SGCZ: variants seen among roughly 807,000 people sequenced by gnomAD.
The protein encoded by SGCZ is sarcoglycan zeta.
In SGCZ, 40 loss-of-function variants were observed where a neutral mutation model predicts 41.3. The observed-to-expected ratio is 0.97, with a 90% CI of 0.75 to 1.26. SGCZ has a LOEUF of 1.26. Among genes scored for constraint, SGCZ ranks in the 50% most tolerant of loss-of-function variants. The probability of loss-of-function intolerance (pLI) is 0.00; values close to 1 mark genes in which losing one functional copy is unlikely to be tolerated. For missense variants in SGCZ, 552 were observed against 369.8 expected (o/e 1.49, Z -4.04); for synonymous variants, 206 against 137.5 (o/e 1.50, Z -3.49).
At chr8:14,322,913 A>G (rs1020748684) in intron 3 of SGCZ, among the ~76,000 whole-genome samples, 1 of 152,166 alleles carries the variant, frequency 6.6e-6, no homozygotes, top group Admixed American at 6.6e-5. Context: ...GCTTTTCACA[A>G]AAACAAAATA....
At chr8:14,775,225 T>C (rs1800365703) in intron 1 of SGCZ, among the ~76,000 whole-genome samples, 1 of 152,130 alleles carries the variant, frequency 6.6e-6, no homozygotes, top group African/African-American at 2.4e-5. Flanking sequence ...TTGAGTTGTT[T>C]CCAGACCACC....
At chr8:14,640,090 T>C (rs2175281) in intron 1 of SGCZ, among the ~76,000 whole-genome samples, 72,085 of 151,430 alleles carry the variant, frequency 0.48, 17,638 homozygotes, top group East Asian at 0.68. Flanking sequence ...ATACTTTAAG[T>C]GCTTTTCCCC....
chr8:14,837,853 G>T (rs993986224), intron 1 of SGCZ, among the ~76,000 whole-genome samples: 1 of 152,012 alleles, frequency 6.6e-6, no homozygotes, highest in East Asian at 1.9e-4. Context: ...TTGATACAAT[G>T]TATAATAATC....
chr8:14,509,172 A>G (rs1802394497), intron 2 of SGCZ, among the ~76,000 whole-genome samples: 1 of 152,264 alleles, frequency 6.6e-6, no homozygotes, highest in South Asian at 2.1e-4. Flanking sequence ...TTTTTGCTGT[A>G]TATGTGGTCA....
At chr8:14,807,447 G>C (rs1457054366) in intron 1 of SGCZ, among the ~76,000 whole-genome samples, 1 of 152,102 alleles carries the variant, frequency 6.6e-6, no homozygotes, top group Non-Finnish European at 1.5e-5. Flanking sequence ...CAGACAAACA[G>C]AGAGCCAAAT....
intron 3 of SGCZ, among the ~76,000 whole-genome samples, chr8:14,295,685 G>A (rs1023208322): frequency 2.6e-5 from 4 of 152,050 alleles, no homozygotes; most frequent in Admixed American, 6.6e-5. Context: ...GAAAACTAAT[G>A]GGGTGAATTC....
chr8:14,734,628 A>C (rs1798972099), intron 1 of SGCZ, among the ~76,000 whole-genome samples: 1 of 152,140 alleles, frequency 6.6e-6, no homozygotes, highest in Non-Finnish European at 1.5e-5. Context: ...CTTTATACTA[A>C]TAATATGTGA....
chr8:14,153,154 C>T (rs1332664476), intron 5 of SGCZ, among the ~76,000 whole-genome samples: 2 of 152,172 alleles, frequency 1.3e-5, no homozygotes, highest in East Asian at 1.9e-4. Context: ...TAAGATGTTA[C>T]CATTGAGAAA....
intron 4 of SGCZ, among the ~76,000 whole-genome samples, chr8:14,185,130 G>A (rs906205704): frequency 3.3e-5 from 5 of 152,106 alleles, no homozygotes; most frequent in South Asian, 2.1e-4. Flanking sequence ...ACCCAGGCAC[G>A]GTGGCTCACA....
intron 1 of SGCZ, among the ~76,000 whole-genome samples, chr8:14,781,409 A>G (rs1343894036): frequency 1.3e-5 from 2 of 152,040 alleles, no homozygotes; most frequent in Admixed American, 1.3e-4. Flanking sequence ...TTGTATTTTT[A>G]GTAGAGATGG....
intron 3 of SGCZ, among the ~76,000 whole-genome samples, chr8:14,298,398 A>G (rs1801086816): frequency 6.6e-6 from 1 of 152,026 alleles, no homozygotes; most frequent in African/African-American, 2.4e-5. Context: ...AAGATTGAAA[A>G]AAACTATTTC....
At chr8:14,927,162 G>A (rs1282029595) in intron 1 of SGCZ, among the ~76,000 whole-genome samples, 3 of 132,246 alleles carry the variant, frequency 2.3e-5, no homozygotes, top group African/African-American at 8.8e-5. Context: ...AGGCTGGAGT[G>A]CAATGGCGCG....
chr8:14,418,952 C>G (rs569916359), intron 2 of SGCZ, among the ~76,000 whole-genome samples: 2 of 151,918 alleles, frequency 1.3e-5, no homozygotes, highest in South Asian at 2.1e-4. Flanking sequence ...CGAATAGTCA[C>G]CTGTATCTTC....
At chr8:14,441,055 G>T (rs1486693770) in intron 2 of SGCZ, among the ~76,000 whole-genome samples, 1 of 152,110 alleles carries the variant, frequency 6.6e-6, no homozygotes, top group African/African-American at 2.4e-5. Flanking sequence ...AAATTAAGCA[G>T]TCACTTCAGG....
At chr8:14,558,936 A>G (rs1301330623) in intron 1 of SGCZ, among the ~76,000 whole-genome samples, 1 of 152,050 alleles carries the variant, frequency 6.6e-6, no homozygotes, top group Non-Finnish European at 1.5e-5. Context: ...GCATCCCTTT[A>G]TGATTAAAAC....
intron 4 of SGCZ, among the ~76,000 whole-genome samples, chr8:14,190,017 T>TTTTC (rs1489299968): frequency 1.5e-5 from 2 of 136,742 alleles, no homozygotes. Flanking sequence ...TTTCTTTCTT[T>TTTTC]TTTTTTTTTT....
chr8:15,045,264 G>T (rs887114906), intron 1 of SGCZ, among the ~76,000 whole-genome samples: 2 of 152,048 alleles, frequency 1.3e-5, no homozygotes, highest in African/African-American at 4.8e-5. Flanking sequence ...TAGATTGGGA[G>T]ATCAGAGACC....
chr8:14,101,640 T>C (rs778486184), intron 7 of SGCZ, among the ~76,000 whole-genome samples: 1 of 109,738 alleles, frequency 9.1e-6, no homozygotes, highest in Non-Finnish European at 2.4e-5. Context: ...GTATACATCC[T>C]ATTCCAGGAA....
At chr8:14,965,034 C>T (rs1801087465) in intron 1 of SGCZ, among the ~76,000 whole-genome samples, 1 of 152,088 alleles carries the variant, frequency 6.6e-6, no homozygotes, top group African/African-American at 2.4e-5. Flanking sequence ...TTGTGTCCCC[C>T]ATTCCCGAGG....
Sources: gnomAD v4.1 joint callset for allele counts (sites outside exome capture counted in the v4.1 genomes callset) on GRCh38, gnomAD v4.1.1 for gene constraint, MANE v1.5 for transcripts, NCBI Gene and HGNC (gene_info 2026-07-23, HGNC 2026-07-21) for gene names.